Variants in DLG5 observed in about 807,000 individuals in gnomAD.
DLG5 encodes the protein disks large homolog 5.
DLG5 carries 48 observed loss-of-function variants against 189.8 expected under a neutral mutation model. That is an observed-to-expected ratio of 0.25 (90% confidence interval 0.20 to 0.32). The LOEUF (loss-of-function observed/expected upper bound fraction) is 0.32, where lower values mean the gene tolerates loss of function less well. DLG5 is among the 10% of genes least tolerant of loss of function. The pLI, the probability that DLG5 is intolerant of heterozygous loss-of-function variation, is 1.00. For synonymous variants in DLG5, 1,016 were observed against 1,054.1 expected (o/e 0.96, Z 0.70); for missense variants, 2,160 against 2,544.7 (o/e 0.85, Z 3.25).
At chr10:77,880,962 CTTTTTTTTT>C (rs61636782) in intron 1 of DLG5, among the ~76,000 whole-genome samples, 1 of 73,236 alleles carries the variant, frequency 1.4e-5, no homozygotes, top group Non-Finnish European at 2.4e-5. Context: ...AACCCTAGAC[CTTTTTTTTT>C]TTTTTTTTTT....
chr10:77,836,139 T>C (rs1049144056), intron 7 of DLG5, among the ~76,000 whole-genome samples: 1 of 152,124 alleles, frequency 6.6e-6, no homozygotes, highest in Non-Finnish European at 1.5e-5. Flanking sequence ...TCTGTGATCC[T>C]ATAATCTGGC....
chr10:77,837,250 A>C, intron 7 of DLG5, among the ~76,000 whole-genome samples: 1 of 149,382 alleles, frequency 6.7e-6, no homozygotes, highest in South Asian at 2.1e-4. Flanking sequence ...AAGTGTATTA[A>C]TTTAGTCAAG....
intron 27 of DLG5, among the ~76,000 whole-genome samples, chr10:77,798,362 G>C (rs1002924240): frequency 6.6e-6 from 1 of 152,078 alleles, no homozygotes; most frequent in African/African-American, 2.4e-5. Context: ...AGGCTCTGAG[G>C]AGGAGTCACG....
Position 77,811,271 on chromosome 10 carries a change from G to A in DLG5, c.4323-37C>T, listed in dbSNP as rs367651661. 4.9e-5 allele frequency: 78 copies of A among 1,593,354 alleles called. 1 individual carries two copies. The highest frequency in any genetic ancestry group is 2.1e-4 in the South Asian group (19 of 88,680). ...GGACAGGAGGGATAAGGAGCAGTAC[G>A]AAGCCACCCAGAGCCACCCCCACTC... On this transcript the variant is annotated intron_variant, in intron 22 of 31. Coordinates refer to ENST00000372391, the MANE Select transcript of DLG5 (RefSeq NM_004747.4).
rs763983678 is a variant in DLG5 at position 77,821,406 on chromosome 10, G to A, written c.3078C>T (p.His1026=). Residue 1026 remains histidine, a synonymous_variant, in exon 15 of 32, where the codon CAC becomes CAT. Coordinates refer to ENST00000372391, the MANE Select transcript of DLG5 (RefSeq NM_004747.4). ...PRRSDSIKFQ[H]RLETSSESEA... is the part of the protein sequence containing the mutation. ...CTGACTCGGAGCTAGTCTCCAGCCTGTGCTGGAACTTAATGGAGTCGCTCC... is the reference window on the plus strand; with the variant it reads ...CTGACTCGGAGCTAGTCTCCAGCCTATGCTGGAACTTAATGGAGTCGCTCC... 8.1e-6 allele frequency: 13 copies of A among 1,612,702 alleles called. No individual in the cohort carries two copies. Among genetic ancestry groups the A allele is most frequent in the Admixed American group, 1.7e-5 (1 of 60,028 alleles).
rs1207230351 is a variant in DLG5 at position 77,821,551 on chromosome 10, G to A, written c.2933C>T (p.Thr978Ile). The change falls in exon 15 of 32, where the codon ACT becomes ATT. Residue 978 changes from threonine (T) to isoleucine (I), a missense_variant. This residue lies in a region of DLG5 where 754 missense variants were observed against 746.5 expected (regional missense o/e 1.01). Transcript: ENST00000372391. ...KQRKSIFDPN[T>I]FKRPQTPPKI... ...GGGGGGTGTCTGGGGGCGTTTGAAA[G>A]TGTTAGGGTCAAAGATGGACTTTCT... is the stretch of plus-strand genomic sequence containing the variant. The A allele has an allele frequency of 1.2e-6, 2 of 1,612,960 alleles. No homozygotes were observed. The highest frequency in any genetic ancestry group is 2.2e-5 in the East Asian group (1 of 44,882).
At position 77,821,374 on chromosome 10, in the gene DLG5, G is replaced by A. The variant is rs1202515879; in HGVS notation, c.3110C>T (p.Thr1037Ile). The A allele has an allele frequency of 1.2e-6, 2 of 1,612,370 alleles. No homozygotes were observed. Among genetic ancestry groups the A allele is most frequent in the Non-Finnish European group, 1.7e-6 (2 of 1,179,922 alleles). The change falls in exon 15 of 32, where the codon ACT becomes ATT. Residue 1037 changes from threonine to isoleucine, a missense_variant. Thr to Ile is a moderately conservative substitution (Grantham distance 89, BLOSUM62 -1). Coordinates refer to ENST00000372391, the MANE Select transcript of DLG5 (RefSeq NM_004747.4). ...AGTGGATGGGGAGCTGCCCACCAGA[G>A]TGGCTTCTGACTCGGAGCTAGTCTC... Reference protein sequence around the residue: ...RLETSSESEATLVGSSPSTSP... With the variant: ...RLETSSESEAILVGSSPSTSP...
intron 1 of DLG5, among the ~76,000 whole-genome samples, chr10:77,880,100 C>A (rs1161320320): frequency 4.6e-5 from 7 of 152,086 alleles, no homozygotes. Context: ...GAAGAGAAAT[C>A]AACCAAGAAG....
At chr10:77,930,814 ATTTTTTTTTTTT>A (rs35563477), upstream of DLG5, among the ~76,000 whole-genome samples, 1 of 91,656 alleles carries the variant, frequency 1.1e-5, no homozygotes, top group East Asian at 3.6e-4. Flanking sequence ...CACCTGGCTA[ATTTTTTTTTTTT>A]TTTTTTTTTT....
chr10:77,824,278 C>A, intron 14 of DLG5, 106 bp downstream of exon 14: 1 of 835,136 alleles, frequency 1.2e-6, no homozygotes, highest in South Asian at 1.7e-5. Context: ...TAAATGCCCA[C>A]CCTGTTCTCA....
chr10:77,798,953 T>C (rs192918208), intron 27 of DLG5, among the ~76,000 whole-genome samples: 2 of 152,324 alleles, frequency 1.3e-5, no homozygotes, highest in East Asian at 3.9e-4. Context: ...CTTTGTTGTA[T>C]TAAGTAAAAA....
chr10:77,811,982 T>C lies in DLG5; in HGVS notation c.4264A>G (p.Thr1422Ala). 3 of 1,610,604 alleles carry C rather than the reference T, an allele frequency of 1.9e-6. No individual in the cohort carries two copies. The highest frequency in any genetic ancestry group is 2.5e-6 in the Non-Finnish European group (3 of 1,179,970). Residue 1422 changes from threonine (T) to alanine (A), a missense_variant, in exon 22 of 32, where the codon ACC (threonine) becomes GCC (alanine). Around this residue, in one of 5 missense-constraint regions of DLG5, gnomAD observed 61 missense variants for 101.0 expected, o/e 0.60. Transcript: ENST00000372391. ...LIIGQQCDTITILAQYNPHVH... is the reference protein window; with the variant it reads ...LIIGQQCDTIAILAQYNPHVH... ...TGGGGGTTGTACTGGGCCAGGATGG[T>C]GATGGTATCACACTGCTGCCCGATG...
rs1426073501 is a variant in DLG5, at chr10:77,791,369, A to T, written c.*1071T>A. 6.6e-6 allele frequency: 1 copy of T among 151,998 alleles called. No individual in the cohort carries two copies. Among genetic ancestry groups the T allele is most frequent in the African/African-American group, 2.4e-5 (1 of 41,316 alleles). The allele number at this position is 151,998 out of a possible 1,614,324, so 9.4% of individuals were successfully genotyped here. On this transcript the variant is annotated 3_prime_UTR_variant, in exon 32 of 32. Transcript: ENST00000372391. ...AAAAAAAAAAAAAGCCCCCAAACGA[A>T]GACACCCACACTGAGTAGGGTGCAT...
chr10:77,921,396 T>A (rs1846529589), intron 1 of DLG5, among the ~76,000 whole-genome samples: 1 of 152,136 alleles, frequency 6.6e-6, no homozygotes, highest in Admixed American at 6.5e-5. Context: ...TCAGCACCCA[T>A]CTGCATTAGT....
rs758222263 is a variant in DLG5 at position 77,805,804 on chromosome 10, G to T, written c.5025C>A (p.Ser1675Arg). Residue 1675 changes from serine to arginine, a missense_variant, in exon 27 of 32, where the codon AGC becomes AGA. Around this residue, in one of 5 missense-constraint regions of DLG5, gnomAD observed 574 missense variants for 644.2 expected, o/e 0.89. Transcript: ENST00000372391. Reference protein sequence around the residue: ...LSMSEVKDDNSATKTLSAAAR... With the variant: ...LSMSEVKDDNRATKTLSAAAR... Reference sequence around the variant, plus strand: ...CAGCCGCTGACAGCGTCTTTGTGGCGCTATTGTCATCTTTGACTTCAGACA... The same window carrying T: ...CAGCCGCTGACAGCGTCTTTGTGGCTCTATTGTCATCTTTGACTTCAGACA... 8 of 1,614,148 alleles carry T rather than the reference G, an allele frequency of 5.0e-6. No homozygotes were observed. The highest frequency in any genetic ancestry group is 2.2e-5 in the East Asian group (1 of 44,850).
At chr10:77,869,347 G>A (rs934335485) in intron 1 of DLG5, 150 bp from the exon 2 acceptor site, 48 of 693,892 alleles carry the variant, frequency 6.9e-5, no homozygotes, top group South Asian at 4.1e-4. Flanking sequence ...GAGGAGGCGC[G>A]CTCAGCAGAT....
chr10:77,798,993 G>A (rs1230821607), intron 27 of DLG5, among the ~76,000 whole-genome samples: 2 of 152,104 alleles, frequency 1.3e-5, no homozygotes, highest in Non-Finnish European at 2.9e-5. Flanking sequence ...AAATGTTAAT[G>A]GTTAAAAAAA....
At position 77,835,153 on chromosome 10, in the gene DLG5, G is replaced by GT. The variant is rs1843063379; in HGVS notation, c.1622+584_1622+585insA. ...GTCCCTGCCCTGAGCACACTCCACAGGTGCCCTCCATCTGCAATGCCCTTC... is the reference window on the plus strand; with the variant it reads ...GTCCCTGCCCTGAGCACACTCCACAGTGTGCCCTCCATCTGCAATGCCCTTC... On this transcript the variant is annotated intron_variant, in intron 8 of 31. Coordinates refer to ENST00000372391, the MANE Select transcript of DLG5 (RefSeq NM_004747.4). Among the ~76,000 whole-genome samples the GT allele has an allele frequency of 5.3e-5, 8 of 152,112 alleles. 1 individual carries two copies. The highest frequency in any genetic ancestry group is 1.9e-4 in the African/African-American group (8 of 41,464).
chr10:77,808,088 G>A (rs1603641161), intron 24 of DLG5, 144 bp from the exon 25 acceptor site: 2 of 1,014,190 alleles, frequency 2.0e-6, no homozygotes, highest in Admixed American at 2.5e-5. Context: ...CTGCAGGAAG[G>A]ACTGAGTCTT....
Sources: allele counts gnomAD v4.1 joint callset (sites outside exome capture counted in the v4.1 genomes callset), GRCh38; gene constraint gnomAD v4.1.1; regional missense constraint gnomAD v4.1.1; transcripts MANE v1.5; gene names NCBI Gene and HGNC (gene_info 2026-07-23, HGNC 2026-07-21).